The following LRRIQ3 variants were observed in gnomAD, a reference collection of about 807,000 sequenced individuals.
LRRIQ3 encodes leucine rich repeats and IQ motif containing 3.
LRRIQ3 carries 75 observed loss-of-function variants against 59.3 expected under a neutral mutation model. The ratio of observed to expected loss-of-function variants is 1.26; its 90% CI spans 1.05 to 1.53. The LOEUF (loss-of-function observed/expected upper bound fraction) is 1.53. Among genes scored for constraint, LRRIQ3 ranks in the 40% most tolerant of loss-of-function variants. The probability of loss-of-function intolerance (pLI) is 0.00; values close to 1 mark genes in which losing one functional copy is unlikely to be tolerated. For missense variants in LRRIQ3, 831 were observed against 710.0 expected, an observed-to-expected ratio of 1.17 and a Z score of -1.94; for synonymous variants, 250 against 231.3, an observed-to-expected ratio of 1.08 and a Z score of -0.73.
chr1:74,183,802 TA>T (rs766322869), intron 1 of LRRIQ3, 118 bp from the exon 2 acceptor site: 2 of 792,420 alleles, frequency 2.5e-6, no homozygotes, highest in Non-Finnish European at 3.7e-6. Flanking sequence ...AGTTAAAATT[TA>T]AAAAAACTCA....
At chr1:74,108,814 A>C in intron 5 of LRRIQ3, 1 of 318,346 alleles carries the variant, frequency 3.1e-6, no homozygotes, top group Admixed American at 4.4e-5. Flanking sequence ...TTAATTATGT[A>C]GCTTTTGGTA....
chr1:74,060,252 T>TTCC (rs1654679329), intron 6 of LRRIQ3, among the ~76,000 whole-genome samples: 2 of 128,386 alleles, frequency 1.6e-5, no homozygotes. Context: ...CTTCTTCTTC[T>TTCC]TCTTCCTCTT....
In LRRIQ3 at chr1:74,033,055, T is replaced by C. The variant is rs1045682526; in HGVS notation, c.1719-6086A>G. 2.6e-5 allele frequency among the ~76,000 whole-genome samples: 4 copies of C among 151,970 alleles called. No homozygotes were observed. The East Asian group carries it at 7.7e-4, about 29-fold the overall frequency. ...TTATCTTGTTGAGAAGGAGAGGCCA[T>C]AAGTGGTGTTTGAATAGAAAGCTGT... On this transcript the variant is annotated intron_variant, in intron 7 of 7. Transcript: ENST00000354431.
chr1:74,109,488 A>T lies in LRRIQ3; in HGVS notation c.773T>A (p.Ile258Asn). 1 of 1,573,514 alleles carries T rather than the reference A, an allele frequency of 6.4e-7. No individual in the cohort carries two copies. The highest frequency in any genetic ancestry group is 8.6e-7 in the Non-Finnish European group (1 of 1,163,596). The change falls in exon 5 of 8, where the codon ATT (isoleucine) becomes AAT (asparagine). Residue 258 changes from isoleucine to asparagine, a missense_variant. Physicochemically the swap from Ile to Asn is moderately radical, Grantham distance 149. Transcript: ENST00000354431. ...KIIRGYEAKWIYITKGYEDKL... is the reference protein window; with the variant it reads ...KIIRGYEAKWNYITKGYEDKL... ...ATCTTCATACCCTTTGGTTATGTAA[A>T]TCCATTTTGCTTCATATCCTCTAAT...
At chr1:74,084,251 G>T (rs1646303776) in intron 5 of LRRIQ3, 1 of 1,524,846 alleles carries the variant, frequency 6.6e-7, no homozygotes, top group Non-Finnish European at 8.9e-7. Context: ...TTTAAAGATG[G>T]AAAAAATCAG....
At chr1:74,106,961 T>C (rs1557618058) in intron 5 of LRRIQ3, among the ~76,000 whole-genome samples, 2 of 151,936 alleles carry the variant, frequency 1.3e-5, no homozygotes, top group Admixed American at 6.6e-5. Flanking sequence ...CATCCTCCAT[T>C]TCTTCTATTC....
chr1:74,054,424 G>A (rs1468200150), intron 6 of LRRIQ3, among the ~76,000 whole-genome samples: 1 of 152,092 alleles, frequency 6.6e-6, no homozygotes, highest in East Asian at 1.9e-4. Context: ...TTTTAGGGCA[G>A]TGAAATGATT....
At chr1:74,099,833 A>T (rs180841118) in intron 5 of LRRIQ3, among the ~76,000 whole-genome samples, 196 of 152,328 alleles carry the variant, frequency 1.3e-3, no homozygotes, top group African/African-American at 4.6e-3. Context: ...AGATGCAGAA[A>T]AGGCCTTTGA....
At chr1:74,106,248 G>C (rs756934818) in intron 5 of LRRIQ3, among the ~76,000 whole-genome samples, 2 of 151,910 alleles carry the variant, frequency 1.3e-5, no homozygotes, top group Non-Finnish European at 2.9e-5. Flanking sequence ...TTTCCACATG[G>C]TTGAAGCAGT....
At chr1:74,054,251 A>G (rs1654456098) in intron 6 of LRRIQ3, among the ~76,000 whole-genome samples, 1 of 152,094 alleles carries the variant, frequency 6.6e-6, no homozygotes. Flanking sequence ...AATGCATATT[A>G]TTGAGTGAAA....
intron 6 of LRRIQ3, among the ~76,000 whole-genome samples, chr1:74,060,409 C>T (rs1654689016): frequency 6.6e-6 from 1 of 150,596 alleles, no homozygotes; most frequent in Non-Finnish European, 1.5e-5. Flanking sequence ...TTTTCTACTT[C>T]TTTTTTTCTT....
intron 1 of LRRIQ3, among the ~76,000 whole-genome samples, chr1:74,193,493 G>A (rs1650903672): frequency 6.6e-6 from 1 of 152,012 alleles, no homozygotes; most frequent in Admixed American, 6.6e-5. Flanking sequence ...AACACATTAA[G>A]TGTAACTATA....
At chr1:74,074,861 ACATGAATTACATTAT>A in intron 5 of LRRIQ3, 71 bp from the exon 6 acceptor site, 3 of 697,892 alleles carry the variant, frequency 4.3e-6, no homozygotes, top group Non-Finnish European at 6.4e-6. Flanking sequence ...AAGGGTTTTC[ACATGAATTACATTAT>A]CATGATTGAT....
chr1:74,109,188 G>T (rs1331667911), intron 5 of LRRIQ3: 9 of 393,962 alleles, frequency 2.3e-5, no homozygotes, highest in Non-Finnish European at 4.1e-5. Flanking sequence ...AAATGGTTGT[G>T]GTATACTATA....
chr1:74,160,926 G>A (rs1046072105), intron 3 of LRRIQ3, among the ~76,000 whole-genome samples: 1 of 152,056 alleles, frequency 6.6e-6, no homozygotes, highest in Non-Finnish European at 1.5e-5. Context: ...TTTTCAGGAA[G>A]AATAGCTTAA....
chr1:74,119,939 A>G (rs1210468918), intron 4 of LRRIQ3, among the ~76,000 whole-genome samples: 7 of 152,134 alleles, frequency 4.6e-5, no homozygotes, highest in Non-Finnish European at 1.0e-4. Flanking sequence ...ATTTCCCAGT[A>G]TCTCTACAAA....
intron 1 of LRRIQ3, among the ~76,000 whole-genome samples, chr1:74,185,672 A>G (rs549358257): frequency 6.6e-6 from 1 of 152,124 alleles, no homozygotes; most frequent in African/African-American, 2.4e-5. Context: ...GGCCGGGCGC[A>G]GTGGCTCACG....
chr1:74,132,521 A>G lies in LRRIQ3; in HGVS notation c.708-22968T>C, dbSNP rs548334107. On this transcript the variant is annotated intron_variant, in intron 4 of 7. Coordinates refer to ENST00000354431, the MANE Select transcript of LRRIQ3 (RefSeq NM_001105659.2). ...GGTACTGGTACCAAAACAGAGATAT[A>G]GACCAATGGAACAGAACAGAGCCCT... Among the ~76,000 whole-genome samples, 32 of 152,274 alleles carry G rather than the reference A, an allele frequency of 2.1e-4. No homozygotes were observed. In the East Asian group the frequency reaches 5.2e-3, roughly 25 times the overall value.
At chr1:74,190,505 T>C (rs187074440) in intron 1 of LRRIQ3, among the ~76,000 whole-genome samples, 15 of 151,384 alleles carry the variant, frequency 9.9e-5, no homozygotes, top group African/African-American at 3.6e-4. Flanking sequence ...AAACATAACA[T>C]TCCAGAAGTG....
Sources: allele counts gnomAD v4.1 joint callset (sites outside exome capture counted in the v4.1 genomes callset), GRCh38; gene constraint gnomAD v4.1.1; transcripts MANE v1.5; gene names NCBI Gene and HGNC (gene_info 2026-07-23, HGNC 2026-07-21).